Variants in AGL observed in about 807,000 individuals in gnomAD.
AGL encodes amylo-alpha-1,6-glucosidase and 4-alpha-glucanotransferase.
Under a neutral mutation model 199.3 loss-of-function variants are expected in AGL, and 128 were observed. The ratio of observed to expected loss-of-function variants is 0.64; its 90% CI spans 0.56 to 0.74. The LOEUF is 0.74. Among genes scored for constraint, AGL ranks in the 30% least tolerant of loss-of-function variants. The pLI is 0.00. For synonymous variants in AGL, 584 were observed against 594.7 expected, an observed-to-expected ratio of 0.98 and a Z score of 0.26; for missense variants, 1,809 against 1,820.8, an observed-to-expected ratio of 0.99 and a Z score of 0.12.
At chr1:99,919,074 A>G (rs1329198692) in intron 33 of AGL, among the ~76,000 whole-genome samples, 1 of 152,104 alleles carries the variant, frequency 6.6e-6, no homozygotes, top group Non-Finnish European at 1.5e-5. Flanking sequence ...CTCTCTTTGT[A>G]CAGCTCCTTC....
At chr1:99,852,558 T>TTTTGAA in intron 2 of AGL, 1 of 603,432 alleles carries the variant, frequency 1.7e-6, no homozygotes, top group South Asian at 1.9e-5. Context: ...TTTTTTTTTG[T>TTTTGAA]AGAAACTGGG....
chr1:99,884,840 C>T, intron 20 of AGL, 137 bp downstream of exon 20: 3 of 1,010,086 alleles, frequency 3.0e-6, no homozygotes, highest in South Asian at 1.4e-5. Flanking sequence ...TCAGCATCAC[C>T]TGTTGTTAAC....
chr1:99,887,099 T>A (rs1030699630), intron 20 of AGL, among the ~76,000 whole-genome samples: 1 of 152,152 alleles, frequency 6.6e-6, no homozygotes, highest in Non-Finnish European at 1.5e-5. Flanking sequence ...GAGGCTGATA[T>A]GGAGAGAACA....
chr1:99,867,997 A>T (rs1650674739), intron 5 of AGL, among the ~76,000 whole-genome samples: 1 of 152,186 alleles, frequency 6.6e-6, no homozygotes, highest in Non-Finnish European at 1.5e-5. Context: ...TGCTGTTCTT[A>T]TCTTAAATAA....
chr1:99,919,041 A>G (rs1038125915), intron 33 of AGL, among the ~76,000 whole-genome samples: 1 of 151,974 alleles, frequency 6.6e-6, no homozygotes, highest in Non-Finnish European at 1.5e-5. Context: ...CTTGAGTGGG[A>G]CCCTCTGCAT....
rs1654717219 is a variant in AGL at position 99,910,999 on chromosome 1, A to G, written c.3836+152A>G. On this transcript the variant is annotated intron_variant, in intron 28 of 33. Transcript: ENST00000361915. ...CCCTTCATCTCCCCATTATACATTT[A>G]CACAATCCTGTTGATATAAGTTATC... 3.8e-6 allele frequency: 3 copies of G among 795,212 alleles called. No individual in the cohort carries two copies. In the South Asian group the frequency reaches 4.9e-5, roughly 13 times the overall value. The allele number at this position is 795,212 out of a possible 1,614,324, so 49.3% of individuals were successfully genotyped here.
At chr1:99,877,862 G>T in intron 12 of AGL, 34 bp downstream of exon 12, 1 of 1,598,406 alleles carries the variant, frequency 6.3e-7, no homozygotes. Flanking sequence ...ATTAAGAAAA[G>T]AAATTCAGTG....
chr1:99,916,098 C>CT (rs1465254955), intron 31 of AGL, among the ~76,000 whole-genome samples: 1 of 151,646 alleles, frequency 6.6e-6, no homozygotes, highest in Non-Finnish European at 1.5e-5. Flanking sequence ...TATTAGAGGC[C>CT]TAGGAAATAG....
At chr1:99,850,622 A>G (rs2101052630) in intron 1 of AGL, 2 of 207,330 alleles carry the variant, frequency 9.6e-6, no homozygotes, top group South Asian at 1.5e-4. Flanking sequence ...ATCTCTTGTA[A>G]GCAGAAGTGC....
intron 33 of AGL, among the ~76,000 whole-genome samples, chr1:99,917,436 T>G (rs1001751127): frequency 5.3e-5 from 8 of 152,202 alleles, no homozygotes; most frequent in African/African-American, 1.9e-4. Context: ...ACCATCCTTT[T>G]AAGCTATTTA....
intron 20 of AGL, among the ~76,000 whole-genome samples, chr1:99,886,378 C>G (rs1237389723): frequency 4.6e-5 from 7 of 152,038 alleles, no homozygotes; most frequent in South Asian, 4.1e-4. Context: ...GTTCAGGAAG[C>G]TGAGGTAACA....
chr1:99,881,626 G>T lies in AGL; in HGVS notation c.2243G>T (p.Arg748Ile). 6.2e-7 allele frequency: 1 copy of T among 1,613,974 alleles called. No homozygotes were observed. The highest frequency in any genetic ancestry group is 1.3e-5 in the African/African-American group (1 of 75,012). The change falls in exon 17 of 34, where the codon AGA (arginine) becomes ATA (isoleucine). Residue 748 changes from arginine (R) to isoleucine (I), a missense_variant. Physicochemically the swap from Arg to Ile is moderately conservative, Grantham distance 97. Transcript: ENST00000361915. ...SIHQSVVAVS[R>I]TAFRNPKTSF... is the part of the protein sequence containing the mutation. ...CATCAGTCTGTTGTGGCTGTATCTA[G>T]AACTGCTTTCAGGAATCCCAAGACT...
In AGL at chr1:99,881,532, G is replaced by C; in HGVS notation, c.2158-9G>C. On this transcript the variant is annotated splice_polypyrimidine_tract_variant and intron_variant, in intron 16 of 33. Coordinates refer to ENST00000361915, the MANE Select transcript of AGL (RefSeq NM_000642.3). ...GAGAGCTAATCTAGTTGTTCTTTCT[G>C]CTTCTCAGGTGTATGTGGATCAAGT... is the stretch of plus-strand genomic sequence containing the variant. 1 of 1,613,936 alleles carries C rather than the reference G, an allele frequency of 6.2e-7. No homozygotes were observed. The highest frequency in any genetic ancestry group is 8.5e-7 in the Non-Finnish European group (1 of 1,179,948).
At chr1:99,902,579 C>G in intron 26 of AGL, 104 bp from the exon 27 acceptor site, 1 of 954,060 alleles carries the variant, frequency 1.0e-6, no homozygotes. Context: ...TTTCTCACTT[C>G]AAAGGAAAGT....
intron 7 of AGL, among the ~76,000 whole-genome samples, chr1:99,871,788 A>G (rs1272496615): frequency 1.3e-5 from 2 of 152,182 alleles, no homozygotes; most frequent in African/African-American, 2.4e-5. Flanking sequence ...TGTATTATTT[A>G]CATGAAATAA....
chr1:99,916,793 G>A (rs1033373477), intron 33 of AGL, 62 bp downstream of exon 33: 15 of 1,549,922 alleles, frequency 9.7e-6, no homozygotes, highest in Non-Finnish European at 1.2e-5. Flanking sequence ...TAGCTATTAG[G>A]TAAATTACAG....
At chr1:99,874,527 ACAG>A (rs1442793348) in intron 7 of AGL, 157 bp from the exon 8 acceptor site, 5 of 712,380 alleles carry the variant, frequency 7.0e-6, no homozygotes, top group South Asian at 3.5e-5. Context: ...ACACGTGCAC[ACAG>A]CAGGATGAGA....
At chr1:99,867,550 A>AT (rs970602984) in intron 5 of AGL, among the ~76,000 whole-genome samples, 2 of 147,848 alleles carry the variant, frequency 1.4e-5, no homozygotes, top group East Asian at 2.0e-4. Context: ...TTTTTTTTTA[A>AT]TTTTTTTTTC....
Position 99,900,823 on chromosome 1 carries a change from C to T in AGL, c.3550C>T (p.Pro1184Ser), listed in dbSNP as rs144788314. ...ILKCPVSRMY[P>S]TDDSAPLPAG... ...CAAGTGCCCAGTTTCCAGAATGTAT[C>T]CTACAGATGATTCTGCTCCTTTGCC... The change falls in exon 26 of 34, where the codon CCT becomes TCT. Residue 1184 changes from proline to serine, a missense_variant. Transcript: ENST00000361915. The T allele has an allele frequency of 6.2e-7, 1 of 1,613,272 alleles. No individual in the cohort carries two copies. The highest frequency in any genetic ancestry group is 1.7e-5 in the Admixed American group (1 of 59,978).
Sources: allele counts gnomAD v4.1 joint callset (sites outside exome capture counted in the v4.1 genomes callset), GRCh38; gene constraint gnomAD v4.1.1; transcripts MANE v1.5; gene names NCBI Gene and HGNC (gene_info 2026-07-23, HGNC 2026-07-21).